Variants in AMPD3 observed in about 807,000 individuals in gnomAD.
AMPD3 encodes the protein AMP deaminase 3.
Under a neutral mutation model 82.3 loss-of-function variants are expected in AMPD3, and 57 were observed. The observed-to-expected ratio is 0.69, with a 90% CI of 0.56 to 0.86. The LOEUF (loss-of-function observed/expected upper bound fraction) is 0.86, where lower values mean the gene tolerates loss of function less well. Ranked by LOEUF, AMPD3 falls within the 40% of genes least tolerant of loss-of-function variation. The pLI, the probability that AMPD3 is intolerant of heterozygous loss-of-function variation, is 0.00. For synonymous variants in AMPD3, 381 were observed against 394.7 expected, an observed-to-expected ratio of 0.97 and a Z score of 0.41; for missense variants, 870 against 1,003.8, an observed-to-expected ratio of 0.87 and a Z score of 1.80.
Position 10,501,805 on chromosome 11 carries a change from A to G in AMPD3, c.1842+215A>G, listed in dbSNP as rs1849588674. The G allele has an allele frequency of 4.1e-6, 4 of 984,100 alleles. No homozygotes were observed. In the African/African-American group the frequency reaches 5.2e-5, roughly 13 times the overall value. 61.0% of individuals were successfully genotyped at this position (984,100 alleles called of 1,614,324 possible). A position where few individuals can be genotyped will look rare whatever the true frequency, so the allele number is the denominator to read the frequency against. ...GAGAAATGGAAAAAAGCCAGCCCTT[A>G]TGCTATTACATTAATAGAAATAGCC... On this transcript the variant is annotated intron_variant, in intron 12 of 14. Coordinates refer to ENST00000396553, the MANE Select transcript of AMPD3 (RefSeq NM_001025389.2).
intron 11 of AMPD3, chr11:10,501,219 A>C (rs992606722): frequency 1.0e-6 from 1 of 985,022 alleles, no homozygotes; most frequent in Non-Finnish European, 1.2e-6. Context: ...GAGTGGCTGG[A>C]GGGCACAGCA....
At position 10,496,183 on chromosome 11, in the gene AMPD3, G is replaced by C. The variant is rs936162053; in HGVS notation, c.1430+450G>C. The C allele has an allele frequency of 3.1e-6, 3 of 978,824 alleles. No homozygotes were observed. In the African/African-American group the frequency reaches 5.3e-5, roughly 17 times the overall value. The allele number at this position is 978,824 out of a possible 1,614,324, so 60.6% of individuals were successfully genotyped here. On this transcript the variant is annotated intron_variant, in intron 9 of 14. Transcript: ENST00000396553. ...ACCTGCCTCAGCCTCCCAAAATGCTGGGATTACAGGTGTGAGCCACTGCAT... is the reference window on the plus strand; with the variant it reads ...ACCTGCCTCAGCCTCCCAAAATGCTCGGATTACAGGTGTGAGCCACTGCAT...
At chr11:10,484,307 C>T in intron 4 of AMPD3, 2 of 985,366 alleles carry the variant, frequency 2.0e-6, no homozygotes, top group African/African-American at 1.7e-5. Flanking sequence ...AGTTCCCTAT[C>T]CTTTGCTCCT....
Position 10,456,658 on chromosome 11 carries a change from G to C in AMPD3, c.-6+1210G>C. On this transcript the variant is annotated intron_variant, in intron 1 of 14. Coordinates refer to ENST00000396553, the MANE Select transcript of AMPD3 (RefSeq NM_001025389.2). This position sits in a 1 kb window ranked among gnomAD's most constrained non-coding sequence, Gnocchi z 4.3. Reference sequence around the variant, plus strand: ...GCTGACTGATGCTGGTGAATTCACAGCTAAGCCTCCCAAGCCTGCTGGCTT... The same window carrying C: ...GCTGACTGATGCTGGTGAATTCACACCTAAGCCTCCCAAGCCTGCTGGCTT... 1.0e-6 allele frequency: 1 copy of C among 965,650 alleles called. No homozygotes were observed. The highest frequency in any genetic ancestry group is 1.1e-4 in the East Asian group (1 of 8,730). 59.8% of individuals were successfully genotyped at this position (965,650 alleles called of 1,614,324 possible). A position where few individuals can be genotyped will look rare whatever the true frequency, so the allele number is the denominator to read the frequency against.
intron 2 of AMPD3, among the ~76,000 whole-genome samples, chr11:10,463,236 T>G (rs1476632798): frequency 6.6e-6 from 1 of 151,512 alleles, no homozygotes; most frequent in East Asian, 1.9e-4. Flanking sequence ...CTTAACTCGT[T>G]TGGAAAGAAG....
intron 1 of AMPD3, 98 bp from the exon 2 acceptor site, chr11:10,461,417 A>C: frequency 4.4e-6 from 7 of 1,605,484 alleles, no homozygotes; most frequent in Non-Finnish European, 4.2e-6. Flanking sequence ...GCTGACCCCA[A>C]GTACCAGGTG....
Position 10,493,542 on chromosome 11 carries a change from C to T in AMPD3, c.1133C>T (p.Ala378Val), listed in dbSNP as rs538116291. 58 of 1,613,782 alleles carry T rather than the reference C, an allele frequency of 3.6e-5. No individual in the cohort carries two copies. Among genetic ancestry groups the T allele is most frequent in the South Asian group, 7.7e-5 (7 of 91,064 alleles). ...DLTVDSLDVHAGRQTFHRFDK... is the reference protein window; with the variant it reads ...DLTVDSLDVHVGRQTFHRFDK... Reference sequence around the variant, plus strand: ...ACTGTGGACTCACTGGATGTCCACGCGGTGAGTGAGCTTCTGCTCCAGTGC... The same window carrying T: ...ACTGTGGACTCACTGGATGTCCACGTGGTGAGTGAGCTTCTGCTCCAGTGC... The change falls in exon 7 of 15, where the codon GCG (alanine) becomes GTG (valine). Residue 378 changes from alanine (A) to valine (V), a missense_variant and splice_region_variant. By Grantham distance (64) the Ala-to-Val change is moderately conservative. Transcript: ENST00000396553.
rs1849356965 is a variant in AMPD3 at position 10,495,166 on chromosome 11, C to T, written c.1266+136C>T. On this transcript the variant is annotated intron_variant, in intron 8 of 14. Transcript: ENST00000396553. ...TCAGCTCAGGGAAGGGTGAGGTGCC[C>T]AGGTGCCCAGTGCTGTGGTCTGGCT... 3 of 1,593,548 alleles carry T rather than the reference C, an allele frequency of 1.9e-6. No homozygotes were observed. The African/African-American group carries it at 4.0e-5, about 21-fold the overall frequency.
At position 10,506,255 on chromosome 11, in the gene AMPD3, A is replaced by G; in HGVS notation, c.*371A>G. 3.4e-6 allele frequency: 1 copy of G among 292,228 alleles called. No individual in the cohort carries two copies. Among genetic ancestry groups the G allele is most frequent in the East Asian group, 8.6e-5 (1 of 11,584 alleles). The allele number at this position is 292,228 out of a possible 1,614,324, so 18.1% of individuals were successfully genotyped here. On this transcript the variant is annotated 3_prime_UTR_variant, in exon 15 of 15. Coordinates refer to ENST00000396553, the MANE Select transcript of AMPD3 (RefSeq NM_001025389.2). The surrounding 1 kb of genome is among the most constrained non-coding windows in gnomAD (Gnocchi z 4.1). ...CATACTTTTCTCCATTGGCCCAGGT[A>G]GGCTAATTGGTAGTTGTTCATTTCA... is the stretch of plus-strand genomic sequence containing the variant.
chr11:10,502,610 T>A lies in AMPD3; in HGVS notation c.1843-111T>A, dbSNP rs568645556. The A allele has an allele frequency of 9.1e-5, 145 of 1,591,818 alleles. No homozygotes were observed. The African/African-American group carries it at 1.8e-3, about 19-fold the overall frequency. ...GGGTTGAGGACTTGGGCAGACATGG[T>A]TCAGACCCCTGGTTTCCACTGGTGA... is the stretch of plus-strand genomic sequence containing the variant. On this transcript the variant is annotated intron_variant, in intron 12 of 14. Transcript: ENST00000396553.
chr11:10,471,465 A>G (rs544750363), intron 2 of AMPD3, among the ~76,000 whole-genome samples: 2 of 152,346 alleles, frequency 1.3e-5, no homozygotes, highest in Admixed American at 1.3e-4. Flanking sequence ...GATCTAATTA[A>G]ACTAAAGAGC....
intron 6 of AMPD3, among the ~76,000 whole-genome samples, chr11:10,491,901 G>A (rs1226322385): frequency 6.6e-6 from 1 of 152,196 alleles, no homozygotes; most frequent in Non-Finnish European, 1.5e-5. Flanking sequence ...CTTTTGGCTG[G>A]TGGCATAAAT....
At chr11:10,496,533 G>C in intron 9 of AMPD3, 1 of 985,418 alleles carries the variant, frequency 1.0e-6, no homozygotes, top group Non-Finnish European at 1.2e-6. Flanking sequence ...TCAGTCTCTT[G>C]GTCAGCCAGA....
At position 10,487,471 on chromosome 11, in the gene AMPD3, C is replaced by T. The variant is rs116161992; in HGVS notation, c.939+107C>T. ...TGTCCCCTGTGAGAACTTCAGGGCT[C>T]CTTGCTAAGGGCGGCCTTCGTGGCC... is the stretch of plus-strand genomic sequence containing the variant. On this transcript the variant is annotated intron_variant, in intron 6 of 14. Coordinates refer to ENST00000396553, the MANE Select transcript of AMPD3 (RefSeq NM_001025389.2). 509 of 1,540,874 alleles carry T rather than the reference C, an allele frequency of 3.3e-4. 3 individuals are homozygous for T. The African/African-American group carries it at 5.9e-3, about 18-fold the overall frequency.
chr11:10,451,146 G>A, upstream of AMPD3: 3 of 1,505,586 alleles, frequency 2.0e-6, no homozygotes, highest in South Asian at 1.2e-5. Flanking sequence ...CGCGGCTTCC[G>A]CCTTCCCTGC....
chr11:10,490,524 G>A, intron 6 of AMPD3: 1 of 985,416 alleles, frequency 1.0e-6, no homozygotes, highest in Non-Finnish European at 1.2e-6. Context: ...GGTCTTAGGT[G>A]AACACGGGGA....
intron 10 of AMPD3, chr11:10,499,738 G>A (rs1849522759): frequency 1.0e-6 from 1 of 985,432 alleles, no homozygotes; most frequent in Non-Finnish European, 1.2e-6. Context: ...CCTCCCTGCA[G>A]GCTGGCCTCG....
intron 11 of AMPD3, 111 bp downstream of exon 11, chr11:10,500,360 A>G: frequency 1.4e-6 from 2 of 1,400,212 alleles, no homozygotes; most frequent in Non-Finnish European, 2.0e-6. Context: ...GTGCACCTGA[A>G]CCAACATGCA....
intron 2 of AMPD3, among the ~76,000 whole-genome samples, chr11:10,476,562 GA>G: frequency 6.6e-6 from 1 of 152,138 alleles, no homozygotes; most frequent in Admixed American, 6.5e-5. Context: ...GGTAGGACCA[GA>G]CCTCAGGCAG....
Sources: gnomAD v4.1 joint callset for allele counts (sites outside exome capture counted in the v4.1 genomes callset) on GRCh38, gnomAD v4.1.1 for gene constraint, Gnocchi (gnomAD v3.1) non-coding constraint, MANE v1.5 for transcripts, NCBI Gene and HGNC (gene_info 2026-07-23, HGNC 2026-07-21) for gene names.